The following PAFAH1B1 variants were observed in gnomAD, a reference collection of about 807,000 sequenced individuals.
The protein encoded by PAFAH1B1 is platelet-activating factor acetylhydrolase IB subunit beta.
A neutral mutation model predicts 57.5 loss-of-function variants in PAFAH1B1; 2 were observed. The ratio of observed to expected loss-of-function variants is 0.03; its 90% CI spans 0.01 to 0.11. The LOEUF is 0.11. Among genes scored for constraint, PAFAH1B1 ranks in the 10% least tolerant of loss-of-function variants. The pLI is 1.00. For synonymous variants in PAFAH1B1, 152 were observed against 169.6 expected, an observed-to-expected ratio of 0.90 and a Z score of 0.81; for missense variants, 257 against 512.0, an observed-to-expected ratio of 0.50 and a Z score of 4.81.
intron 2 of PAFAH1B1, among the ~76,000 whole-genome samples, chr17:2,654,131 CTATT>C (rs901369170): frequency 6.6e-6 from 1 of 150,862 alleles, no homozygotes; most frequent in Non-Finnish European, 1.5e-5. Flanking sequence ...TAAATATAAA[CTATT>C]TAATATGCTG....
intron 2 of PAFAH1B1, among the ~76,000 whole-genome samples, chr17:2,655,166 A>AAT (rs1193417246): frequency 5.6e-5 from 8 of 143,568 alleles, no homozygotes; most frequent in East Asian, 2.0e-4. Flanking sequence ...TCATTTAAAA[A>AAT]ATATATATAT....
chr17:2,672,049 G>A (rs7210936), intron 6 of PAFAH1B1, among the ~76,000 whole-genome samples: 87,738 of 151,766 alleles, frequency 0.58, 27,949 homozygotes, highest in East Asian at 0.88. Flanking sequence ...AGGAAGGATT[G>A]CTTGAGGACA....
At chr17:2,626,559 C>G (rs1223115300) in intron 1 of PAFAH1B1, among the ~76,000 whole-genome samples, 7 of 40,958 alleles carry the variant, frequency 1.7e-4, no homozygotes, top group African/African-American at 2.9e-4. Context: ...TTCTTCCCCC[C>G]CCCCCCCCCC....
At chr17:2,602,651 T>C (rs555144581) in intron 1 of PAFAH1B1, among the ~76,000 whole-genome samples, 6 of 152,352 alleles carry the variant, frequency 3.9e-5, no homozygotes, top group South Asian at 4.1e-4. Flanking sequence ...TTCTGCTACA[T>C]AGTCCCCAGT....
intron 7 of PAFAH1B1, chr17:2,673,638 C>CAA (rs766887134): frequency 1.0e-3 from 153 of 150,844 alleles, no homozygotes; most frequent in South Asian, 4.1e-3. Context: ...GACTCCGTCT[C>CAA]AAAAAAAAAA....
At chr17:2,647,853 A>G (rs554059529) in intron 2 of PAFAH1B1, among the ~76,000 whole-genome samples, 1 of 151,518 alleles carries the variant, frequency 6.6e-6, no homozygotes, top group African/African-American at 2.4e-5. Context: ...AAATACAAAA[A>G]ATTAGCCGGG....
At chr17:2,644,923 A>G (rs2068746616) in intron 2 of PAFAH1B1, among the ~76,000 whole-genome samples, 1 of 152,304 alleles carries the variant, frequency 6.6e-6, no homozygotes. Flanking sequence ...AGATGACTAA[A>G]TTTATAGAGA....
intron 2 of PAFAH1B1, among the ~76,000 whole-genome samples, chr17:2,648,177 T>C (rs2068794305): frequency 6.6e-6 from 1 of 151,998 alleles, no homozygotes; most frequent in African/African-American, 2.4e-5. Flanking sequence ...AAGCCCCTTA[T>C]TAAGCCATTA....
intron 2 of PAFAH1B1, among the ~76,000 whole-genome samples, chr17:2,645,770 A>C (rs1307231263): frequency 6.6e-6 from 1 of 151,276 alleles, no homozygotes; most frequent in Non-Finnish European, 1.5e-5. Context: ...ACGCCTGGCC[A>C]CTTTTTTGTA....
chr17:2,614,347 T>C (rs949340895), intron 1 of PAFAH1B1, among the ~76,000 whole-genome samples: 1 of 152,100 alleles, frequency 6.6e-6, no homozygotes, highest in Admixed American at 6.6e-5. Context: ...TATTGTTGCT[T>C]TCTTACTGCA....
chr17:2,659,887 T>G (rs905250223), intron 2 of PAFAH1B1, among the ~76,000 whole-genome samples: 2 of 152,200 alleles, frequency 1.3e-5, no homozygotes, highest in Admixed American at 6.6e-5. Flanking sequence ...TGATATCCTG[T>G]GGCTGCAGCT....
At chr17:2,641,236 C>T (rs188859552) in intron 2 of PAFAH1B1, 9 of 152,242 alleles carry the variant, frequency 5.9e-5, no homozygotes, top group African/African-American at 2.2e-4. Flanking sequence ...TTGGCTCACT[C>T]CAACCTCTGC....
chr17:2,670,438 C>T (rs887881245), intron 6 of PAFAH1B1, 107 bp downstream of exon 6: 1 of 1,077,388 alleles, frequency 9.3e-7, no homozygotes, highest in African/African-American at 1.5e-5. Context: ...TCTTAATTGT[C>T]AGTATTGGTG....
At chr17:2,639,103 T>TTAG (rs2068662436) in intron 2 of PAFAH1B1, among the ~76,000 whole-genome samples, 1 of 151,520 alleles carries the variant, frequency 6.6e-6, no homozygotes, top group South Asian at 2.1e-4. Flanking sequence ...TTTCACCGTG[T>TTAG]TAGCCAGGAT....
intron 2 of PAFAH1B1, among the ~76,000 whole-genome samples, chr17:2,645,509 C>T (rs1003789738): frequency 2.0e-5 from 3 of 151,468 alleles, no homozygotes; most frequent in African/African-American, 7.3e-5. Flanking sequence ...ACAAGAATCA[C>T]TTGAACCTGG....
rs147940142 is a variant in PAFAH1B1, at chr17:2,648,805, C to T, written c.32+10485C>T. Among the ~76,000 whole-genome samples, 183 of 150,502 alleles carry T rather than the reference C, an allele frequency of 1.2e-3. 4 individuals carry two copies. In the East Asian group the frequency reaches 0.033, roughly 27 times the overall value. On this transcript the variant is annotated intron_variant, in intron 2 of 10. Coordinates refer to ENST00000397195, the MANE Select transcript of PAFAH1B1 (RefSeq NM_000430.4). ...AGAAAATAACAGGATATTTTCTTAA[C>T]TTGATTATGGCTACCTACCAGAAAT...
intron 1 of PAFAH1B1, chr17:2,613,470 G>T: frequency 4.1e-6 from 1 of 242,248 alleles, no homozygotes; most frequent in East Asian, 8.6e-5. Flanking sequence ...GGTGGCTGCA[G>T]CGGCAGAGCC....
intron 1 of PAFAH1B1, among the ~76,000 whole-genome samples, chr17:2,602,630 G>T (rs946507487): frequency 2.6e-5 from 4 of 151,978 alleles, no homozygotes; most frequent in African/African-American, 4.8e-5. Flanking sequence ...AGTCTTGTCC[G>T]GTTAACGTCT....
At chr17:2,651,411 TA>T (rs1212327289) in intron 2 of PAFAH1B1, among the ~76,000 whole-genome samples, 1 of 72,204 alleles carries the variant, frequency 1.4e-5, no homozygotes, top group African/African-American at 5.9e-5. Context: ...ACCCCGTCTC[TA>T]CAAAAAAAAA....
Sources: allele counts gnomAD v4.1 joint callset (sites outside exome capture counted in the v4.1 genomes callset), GRCh38; gene constraint gnomAD v4.1.1; transcripts MANE v1.5; gene names NCBI Gene and HGNC (gene_info 2026-07-23, HGNC 2026-07-21).